Variants in PTPRT observed in about 807,000 individuals in gnomAD.
PTPRT encodes the protein receptor-type tyrosine-protein phosphatase T.
In PTPRT, 56 loss-of-function variants were observed where a neutral mutation model predicts 176.8. The ratio of observed to expected loss-of-function variants is 0.32; its 90% confidence interval spans 0.26 to 0.40. The LOEUF (loss-of-function observed/expected upper bound fraction) is 0.40. Ranked by LOEUF, PTPRT falls within the 10% of genes least tolerant of loss-of-function variation. PTPRT has a pLI of 1.00. For missense variants in PTPRT, 1,540 were observed against 1,908.2 expected (o/e 0.81, Z 3.60); for synonymous variants, 783 against 739.0 (o/e 1.06, Z -0.96).
intron 4 of PTPRT, 60 bp from the exon 5 acceptor site, chr20:42,771,610 A>G (rs1445087478): frequency 1.4e-6 from 2 of 1,404,620 alleles, no homozygotes; most frequent in South Asian, 1.2e-5. Flanking sequence ...CCACTTCCCT[A>G]TTGGTGGATG....
At chr20:42,525,825 A>G (rs1568950054) in intron 7 of PTPRT, among the ~76,000 whole-genome samples, 2 of 152,222 alleles carry the variant, frequency 1.3e-5, no homozygotes, top group Non-Finnish European at 2.9e-5. Flanking sequence ...TTATCTTCTA[A>G]TAATTTAACA....
At chr20:43,087,172 T>C (rs796484386) in intron 1 of PTPRT, among the ~76,000 whole-genome samples, 14 of 152,316 alleles carry the variant, frequency 9.2e-5, no homozygotes, top group African/African-American at 3.1e-4. Context: ...TTTTTTCTTT[T>C]CCAGAATGTC....
chr20:42,142,581 T>C (rs889918914), intron 17 of PTPRT, among the ~76,000 whole-genome samples: 2 of 152,222 alleles, frequency 1.3e-5, no homozygotes, highest in African/African-American at 2.4e-5. Context: ...GGAGGATTTG[T>C]TCAAAGACCC....
At chr20:43,013,536 T>C (rs931158630) in intron 1 of PTPRT, among the ~76,000 whole-genome samples, 4 of 152,106 alleles carry the variant, frequency 2.6e-5, no homozygotes, top group Middle Eastern at 3.2e-3. Context: ...AGACAGAAAG[T>C]GGGGGGTACA....
intron 1 of PTPRT, among the ~76,000 whole-genome samples, chr20:43,067,040 A>T (rs929198125): frequency 1.3e-5 from 2 of 152,188 alleles, no homozygotes; most frequent in Non-Finnish European, 2.9e-5. Flanking sequence ...TCAAACAAAT[A>T]TTCATAGCAG....
At chr20:42,950,155 G>T (rs939647033) in intron 1 of PTPRT, among the ~76,000 whole-genome samples, 2 of 152,146 alleles carry the variant, frequency 1.3e-5, no homozygotes, top group African/African-American at 4.8e-5. Flanking sequence ...TAGCAAAGAA[G>T]AAAGCCCCCT....
chr20:42,050,554 G>A, the PTPRT span, among the ~76,000 whole-genome samples: 1 of 152,164 alleles, frequency 6.6e-6, no homozygotes, highest in East Asian at 1.9e-4. Flanking sequence ...CCATGTATTG[G>A]CCTCATGAAA....
rs1345397943 is a variant in PTPRT at position 42,199,826 on chromosome 20, T to C, written c.2343-438A>G. On this transcript the variant is annotated intron_variant, in intron 15 of 30. Coordinates refer to ENST00000373187, the MANE Select transcript of PTPRT (RefSeq NM_007050.6). ...AGCTCATCAAAAACCTACCAAATAA[T>C]AGTAGAGTGAAGCAGGGGCTGGTGG... Among the ~76,000 whole-genome samples the C allele has an allele frequency of 3.9e-5, 6 of 151,988 alleles. No individual in the cohort carries two copies. In the East Asian group the frequency reaches 9.7e-4, roughly 25 times the overall value.
chr20:42,636,187 C>A (rs1338324941), intron 7 of PTPRT, among the ~76,000 whole-genome samples: 1 of 152,044 alleles, frequency 6.6e-6, no homozygotes, highest in Admixed American at 6.6e-5. Flanking sequence ...TGCCCAAGCC[C>A]TGGCATTCTT....
intron 7 of PTPRT, among the ~76,000 whole-genome samples, chr20:42,642,381 A>G (rs2074777412): frequency 1.3e-5 from 2 of 152,220 alleles, no homozygotes; most frequent in Admixed American, 6.5e-5. Context: ...TGACAGAGTT[A>G]TGGACCTCCC....
chr20:42,371,438 C>T (rs1037756748), intron 9 of PTPRT, among the ~76,000 whole-genome samples: 1 of 152,232 alleles, frequency 6.6e-6, no homozygotes, highest in African/African-American at 2.4e-5. Flanking sequence ...TTCAAGCCCT[C>T]TCCTGCAGCT....
At chr20:42,412,397 C>T (rs1231087927) in intron 9 of PTPRT, among the ~76,000 whole-genome samples, 3 of 152,270 alleles carry the variant, frequency 2.0e-5, no homozygotes, top group South Asian at 4.1e-4. Context: ...GTGGCCAAAG[C>T]AGGGGAAAGG....
At chr20:42,633,896 AT>A (rs1210049933) in intron 7 of PTPRT, among the ~76,000 whole-genome samples, 3 of 58,972 alleles carry the variant, frequency 5.1e-5, no homozygotes, top group African/African-American at 2.3e-4. Context: ...TAATTATTAT[AT>A]ATAATATAAT....
chr20:42,130,532 A>G (rs1025662443), intron 18 of PTPRT, among the ~76,000 whole-genome samples: 3 of 152,200 alleles, frequency 2.0e-5, no homozygotes, highest in African/African-American at 7.2e-5. Context: ...GAAAAACACA[A>G]CCTGCAGGGG....
chr20:42,624,881 T>C (rs2074263080), intron 7 of PTPRT, among the ~76,000 whole-genome samples: 1 of 152,076 alleles, frequency 6.6e-6, no homozygotes. Flanking sequence ...GACTAGCATA[T>C]ACGGTGAGGA....
At chr20:42,505,811 C>T (rs1404225288) in intron 7 of PTPRT, among the ~76,000 whole-genome samples, 2 of 152,040 alleles carry the variant, frequency 1.3e-5, no homozygotes, top group Non-Finnish European at 2.9e-5. Context: ...GTTTACAATC[C>T]TCTGTGACAC....
chr20:43,025,769 A>G (rs1292307851), intron 1 of PTPRT, among the ~76,000 whole-genome samples: 2 of 152,188 alleles, frequency 1.3e-5, no homozygotes, highest in African/African-American at 2.4e-5. Context: ...TTCAAATTCT[A>G]TTGGTAACTG....
chr20:43,016,420 C>T (rs1985373676), intron 1 of PTPRT, among the ~76,000 whole-genome samples: 1 of 151,980 alleles, frequency 6.6e-6, no homozygotes, highest in African/African-American at 2.4e-5. Flanking sequence ...CCTCCCTGGA[C>T]TGTGGTCTCC....
At chr20:42,566,294 C>G (rs2073039069) in intron 7 of PTPRT, among the ~76,000 whole-genome samples, 1 of 152,000 alleles carries the variant, frequency 6.6e-6, no homozygotes, top group Admixed American at 6.6e-5. Flanking sequence ...CAGCACCATG[C>G]CCAGCTAATT....
Sources: allele counts gnomAD v4.1 joint callset (sites outside exome capture counted in the v4.1 genomes callset), GRCh38; gene constraint gnomAD v4.1.1; transcripts MANE v1.5; gene names NCBI Gene and HGNC (gene_info 2026-07-23, HGNC 2026-07-21).